Variants in RXFP1 observed in about 807,000 individuals in gnomAD.
RXFP1 encodes relaxin family peptide receptor 1, also known as relaxin receptor 1.
RXFP1 carries 73 observed loss-of-function variants against 89.8 expected under a neutral mutation model. The observed-to-expected ratio is 0.81, with a 90% CI of 0.67 to 0.99. The LOEUF is 0.99. RXFP1 is among the 50% of genes least tolerant of loss of function. The probability of loss-of-function intolerance (pLI) is 0.00; values close to 1 mark genes in which losing one functional copy is unlikely to be tolerated. For missense variants in RXFP1, 793 were observed against 895.5 expected, an observed-to-expected ratio of 0.89 and a Z score of 1.46; for synonymous variants, 277 against 305.5, an observed-to-expected ratio of 0.91 and a Z score of 0.97.
At chr4:158,599,202 C>A (rs755540601) in intron 3 of RXFP1, 124 bp from the exon 4 acceptor site, 6 of 1,481,032 alleles carry the variant, frequency 4.1e-6, no homozygotes, top group Non-Finnish European at 5.5e-6. Flanking sequence ...AAATTGCCTA[C>A]GTAGCACATG....
chr4:158,633,483 C>T lies in RXFP1; in HGVS notation c.971+7C>T. 6.4e-7 allele frequency: 1 copy of T among 1,555,456 alleles called. No individual in the cohort carries two copies. Among genetic ancestry groups the T allele is most frequent in the Non-Finnish European group, 8.7e-7 (1 of 1,144,642 alleles). ...TGAAGGAGCTGTCACAATTGTAAGA[C>T]TGATGTTAATTTTGCCACCTCGTTT... On this transcript the variant is annotated splice_region_variant and intron_variant, in intron 12 of 17. Coordinates refer to ENST00000307765, the MANE Select transcript of RXFP1 (RefSeq NM_021634.4).
chr4:158,566,408 G>A (rs755638875), intron 1 of RXFP1, among the ~76,000 whole-genome samples: 80 of 152,106 alleles, frequency 5.3e-4, no homozygotes, highest in Non-Finnish European at 9.1e-4. Flanking sequence ...TTGTTGCCGA[G>A]GCTGGAGTGC....
In RXFP1 at chr4:158,648,608, A is replaced by C. The variant is rs1184745265; in HGVS notation, c.1866A>C (p.Lys622Asn). 4 of 1,613,258 alleles carry C rather than the reference A, an allele frequency of 2.5e-6. No homozygotes were observed. Among genetic ancestry groups the C allele is most frequent in the Non-Finnish European group, 3.4e-6 (4 of 1,179,468 alleles). The change falls in exon 17 of 18, where the codon AAA becomes AAC. Residue 622 changes from lysine (K) to asparagine (N), a missense_variant. Physicochemically the swap from Lys to Asn is moderately conservative, Grantham distance 94. Transcript: ENST00000307765. Reference protein sequence around the residue: ...TATEIRNQVKKEMILAKRFFF... With the variant: ...TATEIRNQVKNEMILAKRFFF... ...CTGAAATACGGAATCAAGTTAAAAA[A>C]GAGATGATCCTTGCCAAACGTTTTT...
chr4:158,646,595 C>A lies in RXFP1; in HGVS notation c.1346-196C>A, dbSNP rs181535575. On this transcript the variant is annotated intron_variant, in intron 15 of 17. Coordinates refer to ENST00000307765, the MANE Select transcript of RXFP1 (RefSeq NM_021634.4). ...TTGCATAATTAACTGTAGAGAGTAA[C>A]TTTGAGAGTGGTTACCAAAGAGAGT... 124 of 1,397,124 alleles carry A rather than the reference C, an allele frequency of 8.9e-5. 1 individual carries two copies. In the Admixed American group the frequency reaches 3.7e-3, roughly 41 times the overall value. The allele number at this position is 1,397,124 out of a possible 1,614,324, so 86.5% of individuals were successfully genotyped here.
intron 3 of RXFP1, among the ~76,000 whole-genome samples, chr4:158,598,554 C>T (rs1371885993): frequency 2.0e-5 from 3 of 152,132 alleles, no homozygotes; most frequent in Non-Finnish European, 4.4e-5. Flanking sequence ...ATAATAATCT[C>T]ATTATTCTGT....
At chr4:158,609,892 A>G (rs912430490) in intron 6 of RXFP1, among the ~76,000 whole-genome samples, 1 of 152,228 alleles carries the variant, frequency 6.6e-6, no homozygotes, top group African/African-American at 2.4e-5. Flanking sequence ...CTTGAAAGGC[A>G]GTACAGAACT....
At chr4:158,599,207 C>G (rs1164737502) in intron 3 of RXFP1, 119 bp from the exon 4 acceptor site, 1 of 1,502,464 alleles carries the variant, frequency 6.7e-7, no homozygotes, top group Admixed American at 2.0e-5. Flanking sequence ...GCCTACGTAG[C>G]ACATGATATG....
chr4:158,625,970 G>A (rs1291661366), intron 9 of RXFP1, among the ~76,000 whole-genome samples: 1 of 152,070 alleles, frequency 6.6e-6, no homozygotes, highest in East Asian at 1.9e-4. Flanking sequence ...AACAATAAAA[G>A]AGTAACTTCA....
At chr4:158,533,533 C>G (rs1236463277) in intron 1 of RXFP1, among the ~76,000 whole-genome samples, 1 of 152,172 alleles carries the variant, frequency 6.6e-6, no homozygotes, top group Non-Finnish European at 1.5e-5. Context: ...GTATAATAGA[C>G]ACAAGTGAAT....
At chr4:158,554,704 T>G (rs1190671478) in intron 1 of RXFP1, among the ~76,000 whole-genome samples, 1 of 151,850 alleles carries the variant, frequency 6.6e-6, no homozygotes, top group Non-Finnish European at 1.5e-5. Context: ...CTTTTGAGAC[T>G]GGGGGCAATG....
intron 2 of RXFP1, among the ~76,000 whole-genome samples, chr4:158,583,522 A>G (rs1757758084): frequency 6.6e-6 from 1 of 152,270 alleles, no homozygotes; most frequent in South Asian, 2.1e-4. Flanking sequence ...AAAATTAAAA[A>G]TGTAAATAAA....
intron 9 of RXFP1, among the ~76,000 whole-genome samples, chr4:158,626,173 T>TAGATAGATAGAC (rs1561158185): frequency 2.7e-5 from 4 of 145,866 alleles, no homozygotes; most frequent in African/African-American, 9.8e-5. Flanking sequence ...GATAGATAGA[T>TAGATAGATAGAC]AGATGTAGAG....
intron 14 of RXFP1, among the ~76,000 whole-genome samples, chr4:158,639,873 A>C (rs1770023666): frequency 6.6e-6 from 1 of 152,126 alleles, no homozygotes; most frequent in Non-Finnish European, 1.5e-5. Flanking sequence ...AAGAAAAAAA[A>C]AGAAAAGAAA....
intron 8 of RXFP1, among the ~76,000 whole-genome samples, chr4:158,615,953 A>G (rs555354537): frequency 1.3e-5 from 2 of 152,270 alleles, no homozygotes; most frequent in African/African-American, 4.8e-5. Context: ...CCCTGACTCA[A>G]AAAAAGGAAA....
At chr4:158,568,483 A>G (rs1261728099) in intron 1 of RXFP1, among the ~76,000 whole-genome samples, 1 of 152,216 alleles carries the variant, frequency 6.6e-6, no homozygotes, top group Non-Finnish European at 1.5e-5. Flanking sequence ...TTTTTCTTAA[A>G]ATCTTGGTGT....
At chr4:158,578,323 T>G (rs1218049101) in intron 2 of RXFP1, among the ~76,000 whole-genome samples, 2 of 152,208 alleles carry the variant, frequency 1.3e-5, no homozygotes, top group South Asian at 2.1e-4. Flanking sequence ...AAAATTTTTT[T>G]AAGTCATCAG....
chr4:158,568,510 A>C (rs1754303731), intron 1 of RXFP1, among the ~76,000 whole-genome samples: 1 of 152,264 alleles, frequency 6.6e-6, no homozygotes, highest in Admixed American at 6.5e-5. Flanking sequence ...TGTTCTTAAA[A>C]AATTAATAAA....
At chr4:158,530,409 G>A (rs187273957) in intron 1 of RXFP1, among the ~76,000 whole-genome samples, 1 of 152,152 alleles carries the variant, frequency 6.6e-6, no homozygotes, top group African/African-American at 2.4e-5. Flanking sequence ...CTCACCCTCT[G>A]TTGCTCACCC....
intron 3 of RXFP1, among the ~76,000 whole-genome samples, chr4:158,596,833 T>A (rs1247171699): frequency 6.6e-6 from 1 of 152,148 alleles, no homozygotes; most frequent in Admixed American, 6.5e-5. Context: ...ACTTTCATAG[T>A]TTGTAAAGCA....
Sources: allele counts gnomAD v4.1 joint callset (sites outside exome capture counted in the v4.1 genomes callset), GRCh38; gene constraint gnomAD v4.1.1; transcripts MANE v1.5; gene names NCBI Gene and HGNC (gene_info 2026-07-23, HGNC 2026-07-21).